Variants in DGKI observed in about 807,000 individuals in gnomAD.
DGKI encodes the protein diacylglycerol kinase iota, also known as DAG kinase iota.
Under a neutral mutation model 147.5 loss-of-function variants are expected in DGKI, and 55 were observed. The observed-to-expected ratio is 0.37, with a 90% CI of 0.30 to 0.47. The LOEUF (loss-of-function observed/expected upper bound fraction) is 0.47, where lower values mean the gene tolerates loss of function less well. Among genes scored for constraint, DGKI ranks in the 20% least tolerant of loss-of-function variants. The pLI is 1.00. For missense variants in DGKI, 1,007 were observed against 1,323.8 expected (o/e 0.76, Z 3.71); for synonymous variants, 469 against 477.1 (o/e 0.98, Z 0.22).
At chr7:137,419,685 T>C (rs1053342261) in intron 28 of DGKI, among the ~76,000 whole-genome samples, 10 of 152,218 alleles carry the variant, frequency 6.6e-5, no homozygotes, top group African/African-American at 2.4e-4. Flanking sequence ...AATATTATTC[T>C]ACATAGGCAT....
chr7:137,644,753 G>C (rs1273700636), intron 6 of DGKI, among the ~76,000 whole-genome samples: 1 of 152,162 alleles, frequency 6.6e-6, no homozygotes, highest in African/African-American at 2.4e-5. Context: ...TACTTATAGT[G>C]ATATTCGCCA....
At position 137,645,459 on chromosome 7, in the gene DGKI, G is replaced by A. The variant is rs1274318852; in HGVS notation, c.804+13C>T. On this transcript the variant is annotated intron_variant, in intron 6 of 32. Coordinates refer to ENST00000614521, the MANE Select transcript of DGKI (RefSeq NM_001321708.2). ...GAGCCTCCTGCGAGGCCATGAGGTG[G>A]CTGGGCTCTTACCTTACCACACTGC... 6.2e-7 allele frequency: 1 copy of A among 1,611,886 alleles called. No individual in the cohort carries two copies. The highest frequency in any genetic ancestry group is 1.7e-5 in the Admixed American group (1 of 59,864).
rs1156891729 is a variant in DGKI, at chr7:137,618,151, A to ATTT, written c.993+1670_993+1672dup. Among the ~76,000 whole-genome samples the ATTT allele has an allele frequency of 4.2e-3, 44 of 10,404 alleles. 3 individuals carry two copies. The East Asian group carries it at 0.12, about 29-fold the overall frequency. The allele number at this position is 10,404 out of a possible 152,430, so 6.8% of individuals were successfully genotyped here. On this transcript the variant is annotated intron_variant, in intron 8 of 32. Transcript: ENST00000614521. ...ACTATATATATATATATATATATAT[A>ATTT]TTTTTTTTTTTTTACTCTATCATTC...
intron 28 of DGKI, among the ~76,000 whole-genome samples, chr7:137,425,059 G>A (rs965894934): frequency 6.6e-6 from 1 of 152,212 alleles, no homozygotes; most frequent in African/African-American, 2.4e-5. Flanking sequence ...GCATGCAGCT[G>A]GAGATCTGAG....
intron 21 of DGKI, among the ~76,000 whole-genome samples, chr7:137,497,593 T>A (rs550636621): frequency 1.3e-5 from 2 of 152,136 alleles, no homozygotes; most frequent in East Asian, 3.9e-4. Context: ...ATATACACCA[T>A]GCAATACTAC....
chr7:137,567,781 A>T (rs1818639890), intron 19 of DGKI, among the ~76,000 whole-genome samples: 3 of 152,188 alleles, frequency 2.0e-5, no homozygotes, highest in Admixed American at 2.0e-4. Context: ...TAAATAATAT[A>T]CTGTTATTGT....
intron 1 of DGKI, among the ~76,000 whole-genome samples, chr7:137,785,191 G>T (rs1199880486): frequency 2.6e-5 from 4 of 151,874 alleles, no homozygotes; most frequent in Non-Finnish European, 4.4e-5. Flanking sequence ...ACAAAAAGCT[G>T]GTTCTTTGAA....
chr7:137,401,765 T>C (rs151200862), intron 30 of DGKI, among the ~76,000 whole-genome samples: 415 of 152,276 alleles, frequency 2.7e-3, no homozygotes, highest in African/African-American at 9.6e-3. Flanking sequence ...CCCTTCATCC[T>C]TTGGCTGACC....
In DGKI at chr7:137,725,072, C is replaced by T. The variant is rs537742792; in HGVS notation, c.402-35070G>A. Reference sequence around the variant, plus strand: ...TGAGAAGGGGATGAGGTGGGGAGGGCGAGAAGGTTTGAAAAGGATTCCCTG... The same window carrying T: ...TGAGAAGGGGATGAGGTGGGGAGGGTGAGAAGGTTTGAAAAGGATTCCCTG... On this transcript the variant is annotated intron_variant, in intron 1 of 32. Transcript: ENST00000614521. 4.6e-5 allele frequency among the ~76,000 whole-genome samples: 7 copies of T among 152,066 alleles called. No homozygotes were observed. The South Asian group carries it at 6.2e-4, about 14-fold the overall frequency.
chr7:137,614,940 C>A (rs1820479999), intron 8 of DGKI, among the ~76,000 whole-genome samples: 1 of 152,098 alleles, frequency 6.6e-6, no homozygotes, highest in South Asian at 2.1e-4. Flanking sequence ...CTTTTACTGT[C>A]CTTCTCAACC....
intron 28 of DGKI, among the ~76,000 whole-genome samples, chr7:137,438,620 T>C (rs927569594): frequency 6.6e-6 from 1 of 152,106 alleles, no homozygotes; most frequent in African/African-American, 2.4e-5. Flanking sequence ...AAAAAGAGAA[T>C]GTTCATAGTA....
At chr7:137,433,855 C>T (rs562247317) in intron 28 of DGKI, among the ~76,000 whole-genome samples, 9 of 152,272 alleles carry the variant, frequency 5.9e-5, no homozygotes, top group Admixed American at 3.9e-4. Context: ...TGGTGGCTCA[C>T]GCCTGTAATG....
intron 8 of DGKI, among the ~76,000 whole-genome samples, chr7:137,615,527 A>ATGTG (rs1247596583): frequency 7.3e-6 from 1 of 137,412 alleles, no homozygotes; most frequent in African/African-American, 3.0e-5. Flanking sequence ...GTGTATATGT[A>ATGTG]TGTATGTGTG....
chr7:137,438,250 G>A (rs1316898835), intron 28 of DGKI, among the ~76,000 whole-genome samples: 1 of 152,110 alleles, frequency 6.6e-6, no homozygotes, highest in East Asian at 1.9e-4. Flanking sequence ...CAACCAGGTG[G>A]GGAAAAGTGA....
intron 1 of DGKI, among the ~76,000 whole-genome samples, chr7:137,834,220 T>C (rs1409543556): frequency 6.6e-6 from 1 of 152,202 alleles, no homozygotes; most frequent in Non-Finnish European, 1.5e-5. Context: ...GGATCTTGCA[T>C]TTCTATGGGT....
At chr7:137,804,569 T>C (rs1488394060) in intron 1 of DGKI, among the ~76,000 whole-genome samples, 1 of 152,160 alleles carries the variant, frequency 6.6e-6, no homozygotes, top group East Asian at 1.9e-4. Context: ...TGAAGAAAAA[T>C]AAAAAGATGT....
At position 137,572,926 on chromosome 7, in the gene DGKI, C is replaced by T. The variant is rs902287869; in HGVS notation, c.1762-88G>A. 7 of 875,548 alleles carry T rather than the reference C, an allele frequency of 8.0e-6. No homozygotes were observed. In the African/African-American group the frequency reaches 1.0e-4, roughly 13 times the overall value. The allele number at this position is 875,548 out of a possible 1,614,324, so 54.2% of individuals were successfully genotyped here. A position where few individuals can be genotyped will look rare whatever the true frequency, so the allele number is the denominator to read the frequency against. On this transcript the variant is annotated intron_variant, in intron 17 of 32. Coordinates refer to ENST00000614521, the MANE Select transcript of DGKI (RefSeq NM_001321708.2). ...ATAACTAGTTTGACAATAGTACACA[C>T]CATGGTCTCTTTCTCCTTGCCCTAT...
Position 137,794,973 on chromosome 7 carries a change from G to C in DGKI, c.401+51489C>G, listed in dbSNP as rs541861462. ...TTAACACATCTATTTCCCTTTTTCT[G>C]ATTCTGTACTCACAAAACAACTTCC... On this transcript the variant is annotated intron_variant, in intron 1 of 32. Transcript: ENST00000614521. 2.0e-5 allele frequency among the ~76,000 whole-genome samples: 3 copies of C among 152,098 alleles called. No homozygotes were observed. The South Asian group carries it at 6.2e-4, about 32-fold the overall frequency.
At chr7:137,585,991 C>G (rs1019264988) in intron 13 of DGKI, among the ~76,000 whole-genome samples, 2 of 152,160 alleles carry the variant, frequency 1.3e-5, no homozygotes, top group East Asian at 1.9e-4. Context: ...CATGTAAATA[C>G]GTTTTTTATT....
Sources: allele counts gnomAD v4.1 joint callset (sites outside exome capture counted in the v4.1 genomes callset), GRCh38; gene constraint gnomAD v4.1.1; transcripts MANE v1.5; gene names NCBI Gene and HGNC (gene_info 2026-07-23, HGNC 2026-07-21).